The following ANO2 variants were observed in gnomAD, a reference collection of about 807,000 sequenced individuals.
The protein encoded by ANO2 is anoctamin 2.
In ANO2, 101 loss-of-function variants were observed where a neutral mutation model predicts 124.2. That is an observed-to-expected ratio of 0.81 (90% CI 0.69 to 0.96). The LOEUF (loss-of-function observed/expected upper bound fraction) is 0.96. Among genes scored for constraint, ANO2 ranks in the 40% least tolerant of loss-of-function variants. The pLI is 0.00. For synonymous variants in ANO2, 486 were observed against 482.5 expected, an observed-to-expected ratio of 1.01 and a Z score of -0.09; for missense variants, 1,293 against 1,274.5, an observed-to-expected ratio of 1.01 and a Z score of -0.22.
chr12:5,918,878 T>C (rs112261546), intron 3 of ANO2, among the ~76,000 whole-genome samples: 1,693 of 152,332 alleles, frequency 0.011, 16 homozygotes, highest in Non-Finnish European at 0.019. Context: ...CATTGCTCCA[T>C]CTAATGATGA....
At chr12:5,790,678 G>A (rs539779825) in intron 10 of ANO2, among the ~76,000 whole-genome samples, 2 of 152,250 alleles carry the variant, frequency 1.3e-5, no homozygotes, top group East Asian at 3.9e-4. Context: ...TTGTGCATTA[G>A]TTACCTGCTG....
chr12:5,914,391 C>G (rs545757214), intron 3 of ANO2, among the ~76,000 whole-genome samples: 17 of 152,200 alleles, frequency 1.1e-4, no homozygotes, highest in Non-Finnish European at 2.4e-4. Context: ...AGTCAGGGGT[C>G]AGAGACATCT....
rs1565496839 is a variant in ANO2 at position 5,631,570 on chromosome 12, CA to C, written c.1816+3581del. Among the ~76,000 whole-genome samples, 10 of 152,310 alleles carry C rather than the reference CA, an allele frequency of 6.6e-5. No homozygotes were observed. In the South Asian group the frequency reaches 2.1e-3, roughly 32 times the overall value. ...TGTGCCTGGCACGGAGCAAGCACTC[CA>C]TCAACAGCTGATGGATGAACCCAGA... On this transcript the variant is annotated intron_variant, in intron 16 of 24. Coordinates refer to ENST00000682330, the MANE Select transcript of ANO2 (RefSeq NM_001364791.2).
chr12:5,873,481 C>T (rs923260481), intron 3 of ANO2, among the ~76,000 whole-genome samples: 1 of 152,228 alleles, frequency 6.6e-6, no homozygotes. Flanking sequence ...CATCCCCAAC[C>T]CGTCCCTGCC....
At chr12:5,868,105 C>G (rs1955478696) in intron 3 of ANO2, among the ~76,000 whole-genome samples, 1 of 151,952 alleles carries the variant, frequency 6.6e-6, no homozygotes, top group Non-Finnish European at 1.5e-5. Flanking sequence ...TTTGAAGGGA[C>G]AGATACCCCA....
At chr12:5,812,995 CAAGCAAGA>C (rs1953479769) in intron 7 of ANO2, among the ~76,000 whole-genome samples, 1 of 22,028 alleles carries the variant, frequency 4.5e-5, no homozygotes, top group Admixed American at 7.0e-4. Flanking sequence ...GGTAAGCAAA[CAAGCAAGA>C]AAGAAAGAGA....
intron 14 of ANO2, among the ~76,000 whole-genome samples, chr12:5,659,784 C>T (rs1229097698): frequency 6.6e-6 from 1 of 152,130 alleles, no homozygotes; most frequent in Non-Finnish European, 1.5e-5. Context: ...GCCTCGTCCT[C>T]CCTGGGTTCC....
At chr12:5,714,155 A>G (rs910200137) in intron 14 of ANO2, among the ~76,000 whole-genome samples, 1 of 152,218 alleles carries the variant, frequency 6.6e-6, no homozygotes, top group Non-Finnish European at 1.5e-5. Context: ...ACTCTACCGG[A>G]TCACTCCAGA....
At chr12:5,761,586 T>C (rs61909770) in intron 10 of ANO2, among the ~76,000 whole-genome samples, 17,203 of 152,202 alleles carry the variant, frequency 0.11, 1,059 homozygotes, top group Admixed American at 0.17. Flanking sequence ...TAAGATTTAT[T>C]TGTGTCTGTC....
chr12:5,612,782 C>T, intron 18 of ANO2, 26 bp from the exon 19 acceptor site: 1 of 1,612,762 alleles, frequency 6.2e-7, no homozygotes, highest in Non-Finnish European at 8.5e-7. Flanking sequence ...AAGGAAAGGA[C>T]CGGTTAGAAC....
intron 3 of ANO2, among the ~76,000 whole-genome samples, chr12:5,905,640 G>C (rs957119866): frequency 6.6e-6 from 1 of 152,162 alleles, no homozygotes; most frequent in African/African-American, 2.4e-5. Flanking sequence ...TCATGTCTGC[G>C]TCTTTTTTCT....
In ANO2 at chr12:5,921,307, G is replaced by A. The variant is rs1467304024; in HGVS notation, c.267C>T (p.Arg89=). The stretch of plus-strand genomic sequence containing the variant: ...TCCTCTGACTGTCATGGAAGTGCAT[G>A]CGGCTAAGACGGGCCTCCAAGGACA... ...EPVSLEARLS[R]MHFHDSQRKV... Residue 89 remains arginine, a synonymous_variant, in exon 3 of 25, where the codon CGC becomes CGT. Transcript: ENST00000682330. 3 of 1,613,882 alleles carry A rather than the reference G, an allele frequency of 1.9e-6. No individual in the cohort carries two copies. Among genetic ancestry groups the A allele is most frequent in the African/African-American group, 1.3e-5 (1 of 74,918 alleles).
At chr12:5,585,882 A>G (rs1943087452) in intron 20 of ANO2, among the ~76,000 whole-genome samples, 1 of 152,258 alleles carries the variant, frequency 6.6e-6, no homozygotes, top group African/African-American at 2.4e-5. Flanking sequence ...AGTGAACAAA[A>G]TGAAAATAAA....
chr12:5,688,143 AAAC>A (rs1284658961), intron 14 of ANO2, among the ~76,000 whole-genome samples: 1 of 152,206 alleles, frequency 6.6e-6, no homozygotes, highest in East Asian at 1.9e-4. Context: ...TGAAACCTAG[AAAC>A]AACAACTGTG....
At chr12:5,570,459 T>A (rs1488669295) in intron 23 of ANO2, among the ~76,000 whole-genome samples, 1 of 148,128 alleles carries the variant, frequency 6.8e-6, no homozygotes, top group Non-Finnish European at 1.5e-5. Context: ...ACCTGAAGTT[T>A]AAAAAAAAAA....
At chr12:5,692,087 G>A (rs1565574177) in intron 14 of ANO2, among the ~76,000 whole-genome samples, 1 of 152,142 alleles carries the variant, frequency 6.6e-6, no homozygotes, top group African/African-American at 2.4e-5. Context: ...CTAACGTATG[G>A]AGACTAGACT....
chr12:5,691,482 A>G (rs75161750), intron 14 of ANO2, among the ~76,000 whole-genome samples: 2,168 of 152,264 alleles, frequency 0.014, 43 homozygotes, highest in African/African-American at 0.048. Flanking sequence ...TGAGATGGTG[A>G]TGAGGAGAGG....
At chr12:5,815,583 A>T (rs939093751) in intron 7 of ANO2, among the ~76,000 whole-genome samples, 1 of 152,230 alleles carries the variant, frequency 6.6e-6, no homozygotes, top group African/African-American at 2.4e-5. Flanking sequence ...GTACAGAAAG[A>T]TATTGCTGTA....
intron 20 of ANO2, chr12:5,584,134 C>CT: frequency 6.1e-6 from 1 of 163,246 alleles, no homozygotes; most frequent in South Asian, 1.2e-4. Context: ...AATGAACACC[C>CT]CCCCCCCGCC....
Sources: allele counts gnomAD v4.1 joint callset (sites outside exome capture counted in the v4.1 genomes callset), GRCh38; gene constraint gnomAD v4.1.1; transcripts MANE v1.5; gene names NCBI Gene and HGNC (gene_info 2026-07-23, HGNC 2026-07-21).